Variants in ACSS3 observed in about 807,000 individuals in gnomAD.
The protein encoded by ACSS3 is acyl-CoA synthetase short chain family member 3.
Under a neutral mutation model 84.2 loss-of-function variants are expected in ACSS3, and 64 were observed. That is an observed-to-expected ratio of 0.76 (90% CI 0.62 to 0.94). The LOEUF (loss-of-function observed/expected upper bound fraction) is 0.94. ACSS3 is among the 40% of genes least tolerant of loss of function. The probability of loss-of-function intolerance (pLI) is 0.00; values close to 1 mark genes in which losing one functional copy is unlikely to be tolerated. For missense variants in ACSS3, 815 were observed against 867.6 expected (o/e 0.94, Z 0.76); for synonymous variants, 317 against 310.1 (o/e 1.02, Z -0.23).
intron 8 of ACSS3, among the ~76,000 whole-genome samples, chr12:81,177,052 C>A (rs2030537850): frequency 6.6e-6 from 1 of 152,072 alleles, no homozygotes; most frequent in African/African-American, 2.4e-5. Flanking sequence ...ATAAAAATAA[C>A]TAAAAACAAA....
At chr12:81,166,891 C>T (rs1887428658) in intron 7 of ACSS3, among the ~76,000 whole-genome samples, 1 of 152,180 alleles carries the variant, frequency 6.6e-6, no homozygotes, top group Non-Finnish European at 1.5e-5. Flanking sequence ...TAAGCAAGAA[C>T]CCATTTAATT....
chr12:81,238,446 G>A (rs2033695899), intron 13 of ACSS3, among the ~76,000 whole-genome samples: 1 of 151,748 alleles, frequency 6.6e-6, no homozygotes, highest in South Asian at 2.1e-4. Context: ...TCCTTAAATG[G>A]TAGAATTAAC....
intron 3 of ACSS3, 33 bp downstream of exon 3, chr12:81,135,037 G>C: frequency 6.6e-7 from 1 of 1,519,438 alleles, no homozygotes; most frequent in Non-Finnish European, 8.9e-7. Flanking sequence ...TCAAGTAGTA[G>C]CTATGTATAA....
intron 11 of ACSS3, among the ~76,000 whole-genome samples, chr12:81,221,592 T>C (rs1222870865): frequency 3.3e-5 from 5 of 152,250 alleles, no homozygotes; most frequent in Middle Eastern, 3.4e-3. Flanking sequence ...ATTACTTTGT[T>C]AAAAGTTTCC....
intron 1 of ACSS3, among the ~76,000 whole-genome samples, chr12:81,086,511 A>G (rs1485784791): frequency 1.3e-5 from 2 of 152,208 alleles, no homozygotes; most frequent in Admixed American, 6.5e-5. Context: ...CTGCAATTAC[A>G]TAAGCAAGGA....
chr12:81,128,825 G>A (rs1470341644), intron 2 of ACSS3, among the ~76,000 whole-genome samples: 1 of 152,090 alleles, frequency 6.6e-6, no homozygotes, highest in African/African-American at 2.4e-5. Flanking sequence ...ATAAAAACTA[G>A]GTGAACCCTG....
chr12:81,239,935 G>C (rs1421574006), intron 13 of ACSS3, among the ~76,000 whole-genome samples: 1 of 151,970 alleles, frequency 6.6e-6, no homozygotes, highest in Non-Finnish European at 1.5e-5. Context: ...TGACAGCAGT[G>C]ATACAAGGGC....
At chr12:81,168,339 T>G (rs1887498402) in intron 7 of ACSS3, among the ~76,000 whole-genome samples, 1 of 152,172 alleles carries the variant, frequency 6.6e-6, no homozygotes, top group South Asian at 2.1e-4. Context: ...ACTTCGACAA[T>G]TTTTGTTTAT....
At chr12:81,109,435 C>T in intron 1 of ACSS3, 125 bp from the exon 2 acceptor site, 1 of 1,013,548 alleles carries the variant, frequency 9.9e-7, no homozygotes. Context: ...CATTACTTGA[C>T]ATAGAATGCA....
intron 1 of ACSS3, among the ~76,000 whole-genome samples, chr12:81,102,777 C>T (rs979163270): frequency 3.9e-4 from 59 of 151,256 alleles, no homozygotes; most frequent in Admixed American, 1.3e-4. Context: ...TGCAGTGAGC[C>T]GAGATCACGC....
At chr12:81,200,695 T>C (rs1278422847) in intron 9 of ACSS3, among the ~76,000 whole-genome samples, 1 of 150,190 alleles carries the variant, frequency 6.7e-6, no homozygotes, top group Non-Finnish European at 1.5e-5. Flanking sequence ...AGGTCAGGAG[T>C]TACAGACCAG....
At chr12:81,241,755 G>A (rs2033812348) in intron 13 of ACSS3, among the ~76,000 whole-genome samples, 1 of 151,836 alleles carries the variant, frequency 6.6e-6, no homozygotes, top group Non-Finnish European at 1.5e-5. Context: ...CAGATGAGTA[G>A]GTTGCGAAAA....
At position 81,078,384 on chromosome 12, in the gene ACSS3, G is replaced by A. The variant is rs868824020; in HGVS notation, c.264G>A (p.Lys88=). 6.2e-7 allele frequency: 1 copy of A among 1,612,736 alleles called. No individual in the cohort carries two copies. Among genetic ancestry groups the A allele is most frequent in the South Asian group, 1.1e-5 (1 of 91,064 alleles). Residue 88 remains lysine (K), a synonymous_variant, in exon 1 of 16, where the codon AAG becomes AAA. Coordinates refer to ENST00000548058, the MANE Select transcript of ACSS3 (RefSeq NM_024560.4). ...CTGCCGAGCAGATCAGCTGGTACAA[G>A]CCCTGGACCAAAACGCTGGAGAACA... The part of the protein sequence containing the change: ...GKAAEQISWY[K]PWTKTLENKH...
intron 2 of ACSS3, among the ~76,000 whole-genome samples, chr12:81,123,940 A>G (rs1214705821): frequency 2.0e-5 from 3 of 152,202 alleles, no homozygotes; most frequent in Non-Finnish European, 4.4e-5. Context: ...ATATGAGTCC[A>G]TGTATATTTT....
intron 10 of ACSS3, among the ~76,000 whole-genome samples, chr12:81,217,911 G>C (rs2032979497): frequency 6.6e-6 from 1 of 152,060 alleles, no homozygotes; most frequent in Non-Finnish European, 1.5e-5. Flanking sequence ...ACATTTCTTT[G>C]ATGCTGGCTT....
chr12:81,205,282 T>C (rs2032297793), intron 9 of ACSS3, among the ~76,000 whole-genome samples: 1 of 152,152 alleles, frequency 6.6e-6, no homozygotes, highest in Non-Finnish European at 1.5e-5. Context: ...GTGTCAGGGC[T>C]GCTTGTTATG....
intron 13 of ACSS3, among the ~76,000 whole-genome samples, chr12:81,247,226 A>G (rs539649815): frequency 6.6e-6 from 1 of 152,292 alleles, no homozygotes; most frequent in East Asian, 1.9e-4. Context: ...TCCTCCTTCT[A>G]AGAGATTACT....
At chr12:81,147,636 A>G (rs936251277) in intron 5 of ACSS3, among the ~76,000 whole-genome samples, 1 of 152,118 alleles carries the variant, frequency 6.6e-6, no homozygotes, top group Admixed American at 6.5e-5. Flanking sequence ...AAGACATTGG[A>G]GTTCATCAGG....
chr12:81,117,373 A>G (rs1208822122), intron 2 of ACSS3, among the ~76,000 whole-genome samples: 1 of 152,200 alleles, frequency 6.6e-6, no homozygotes, highest in Admixed American at 6.5e-5. Flanking sequence ...AAGAACAATA[A>G]AAGGCTAGAG....
Sources: gnomAD v4.1 joint callset for allele counts (sites outside exome capture counted in the v4.1 genomes callset) on GRCh38, gnomAD v4.1.1 for gene constraint, MANE v1.5 for transcripts, NCBI Gene and HGNC (gene_info 2026-07-23, HGNC 2026-07-21) for gene names.